DRC9: variants seen among roughly 807,000 people sequenced by gnomAD.
DRC9 encodes dynein regulatory complex subunit 9.
At chr3:197,907,947 A>G in the DRC9 span, among the ~76,000 whole-genome samples, 1 of 150,410 alleles carries the variant, frequency 6.6e-6, no homozygotes, top group African/African-American at 2.5e-5. Flanking sequence ...TGAAGTTATC[A>G]CAGGGGTGAC....
chr3:197,922,452 T>A, the DRC9 span, among the ~76,000 whole-genome samples: 4 of 152,146 alleles, frequency 2.6e-5, no homozygotes, highest in Non-Finnish European at 4.4e-5. Flanking sequence ...ACATCTGTAA[T>A]CTCAGCACTT....
At chr3:197,934,285 A>G in the DRC9 span, among the ~76,000 whole-genome samples, 5 of 146,062 alleles carry the variant, frequency 3.4e-5, no homozygotes, top group Non-Finnish European at 7.4e-5. Flanking sequence ...CCCAGGTTCA[A>G]GCGATTCTCC....
chr3:197,896,327 G>A, the DRC9 span, among the ~76,000 whole-genome samples: 10 of 150,950 alleles, frequency 6.6e-5, no homozygotes, highest in Admixed American at 5.3e-4. Flanking sequence ...TGGGCAACAA[G>A]AGCAAAACTC....
chr3:197,945,410 C>T, the DRC9 span, among the ~76,000 whole-genome samples: 1 of 152,180 alleles, frequency 6.6e-6, no homozygotes, highest in Non-Finnish European at 1.5e-5. Context: ...ACTTCAAGTT[C>T]AGGAGAGACC....
At chr3:197,918,400 G>A in the DRC9 span, among the ~76,000 whole-genome samples, 2 of 151,404 alleles carry the variant, frequency 1.3e-5, no homozygotes, top group East Asian at 1.9e-4. Flanking sequence ...CACTGTGCCT[G>A]GTATAGGTTT....
chr3:197,912,664 TGGGGACCC>T, the DRC9 span: 1 of 1,608,870 alleles, frequency 6.2e-7, no homozygotes, highest in Middle Eastern at 1.7e-4. Flanking sequence ...AGAAAAGCTG[TGGGGACCC>T]ACCTGCTGCT....
At chr3:197,901,331 T>A in the DRC9 span, among the ~76,000 whole-genome samples, 2 of 152,144 alleles carry the variant, frequency 1.3e-5, no homozygotes, top group Non-Finnish European at 2.9e-5. This position sits in a 1 kb window ranked among gnomAD's most constrained non-coding sequence, Gnocchi z 4.4. Flanking sequence ...AGAGACCAGG[T>A]TTCACCATGT....
At chr3:197,920,407 G>C in the DRC9 span, among the ~76,000 whole-genome samples, 1 of 140,976 alleles carries the variant, frequency 7.1e-6, no homozygotes, top group Non-Finnish European at 1.5e-5. Context: ...GCAACAAAGA[G>C]AGAACCCCCC....
the DRC9 span, chr3:197,932,025 A>C: frequency 1.4e-6 from 1 of 694,248 alleles, no homozygotes; most frequent in Non-Finnish European, 2.4e-6. Flanking sequence ...TTGTCCCAGC[A>C]GAACTAGGAA....
At chr3:197,909,503 ATGT>A in the DRC9 span, among the ~76,000 whole-genome samples, 1 of 152,208 alleles carries the variant, frequency 6.6e-6, no homozygotes, top group East Asian at 1.9e-4. Flanking sequence ...AGGTTTCGCA[ATGT>A]TATCACAGAA....
chr3:197,926,131 T>G, the DRC9 span: 2 of 1,298,714 alleles, frequency 1.5e-6, no homozygotes, highest in Non-Finnish European at 2.2e-6. Flanking sequence ...ATGATTTGTG[T>G]TTAGAGCAGT....
chr3:197,940,731 A>G, the DRC9 span, among the ~76,000 whole-genome samples: 689 of 152,336 alleles, frequency 4.5e-3, 2 homozygotes, highest in Non-Finnish European at 7.9e-3. Context: ...TGAAATACAA[A>G]CCAAAAAATA....
chr3:197,893,486 CTCTT>C, the DRC9 span, among the ~76,000 whole-genome samples: 1 of 151,706 alleles, frequency 6.6e-6, no homozygotes, highest in Non-Finnish European at 1.5e-5. Context: ...CATCGGATCT[CTCTT>C]TGATTGACAG....
the DRC9 span, chr3:197,913,927 T>C: frequency 6.2e-7 from 1 of 1,614,212 alleles, no homozygotes; most frequent in Non-Finnish European, 8.5e-7. Flanking sequence ...ACACTTTTTC[T>C]GGGTCTGGGC....
the DRC9 span, among the ~76,000 whole-genome samples, chr3:197,914,295 G>A: frequency 0.012 from 1,795 of 152,234 alleles, 35 homozygotes; most frequent in African/African-American, 0.042. Context: ...GCTGTACTCC[G>A]TATGTCCCAC....
At chr3:197,919,399 T>TG in the DRC9 span, among the ~76,000 whole-genome samples, 28 of 152,304 alleles carry the variant, frequency 1.8e-4, no homozygotes, top group East Asian at 5.0e-3. Context: ...CTAGAAGCAG[T>TG]GGGGTACAGG....
the DRC9 span, among the ~76,000 whole-genome samples, chr3:197,907,564 T>G: frequency 2.0e-5 from 3 of 152,262 alleles, no homozygotes; most frequent in South Asian, 4.1e-4. Context: ...CAATATTTAT[T>G]AGCAAAATCT....
chr3:197,957,387 T>G, the DRC9 span: 2 of 152,274 alleles, frequency 1.3e-5, no homozygotes, highest in Admixed American at 1.3e-4. Flanking sequence ...CTGCCATTGT[T>G]GGAGTCCCGT....
chr3:197,919,938 G>A, the DRC9 span, among the ~76,000 whole-genome samples: 2 of 152,078 alleles, frequency 1.3e-5, no homozygotes, highest in Non-Finnish European at 2.9e-5. Context: ...GGTGGCTCAC[G>A]CCTGTAAACC....
Sources: gnomAD v4.1 joint callset for allele counts (sites outside exome capture counted in the v4.1 genomes callset) on GRCh38, gnomAD v4.1.1 for gene constraint, Gnocchi (gnomAD v3.1) non-coding constraint, MANE v1.5 for transcripts, NCBI Gene and HGNC (gene_info 2026-07-23, HGNC 2026-07-21) for gene names.